SYT14: variants seen among roughly 807,000 people sequenced by gnomAD.
SYT14 encodes the protein synaptotagmin-14.
In SYT14, 32 loss-of-function variants were observed where a neutral mutation model predicts 74.2. That is an observed-to-expected ratio of 0.43 (90% CI 0.33 to 0.58). The LOEUF (loss-of-function observed/expected upper bound fraction) is 0.58. SYT14 is among the 20% of genes least tolerant of loss of function. SYT14 has a pLI of 0.05. For synonymous variants in SYT14, 298 were observed against 337.7 expected, an observed-to-expected ratio of 0.88 and a Z score of 1.29; for missense variants, 791 against 981.8, an observed-to-expected ratio of 0.81 and a Z score of 2.60.
chr1:209,996,001 C>T (rs966873061), intron 2 of SYT14, among the ~76,000 whole-genome samples: 1 of 152,054 alleles, frequency 6.6e-6, no homozygotes, highest in Admixed American at 6.6e-5. Context: ...CAGTTTATAG[C>T]CCTAAATGCC....
At chr1:209,947,868 T>G (rs2078847363) in intron 1 of SYT14, among the ~76,000 whole-genome samples, 1 of 152,202 alleles carries the variant, frequency 6.6e-6, no homozygotes, top group Admixed American at 6.5e-5. Context: ...CACCCCAACC[T>G]TCATCATCCA....
chr1:209,945,515 C>A (rs1188344526), intron 1 of SYT14, among the ~76,000 whole-genome samples: 1 of 152,130 alleles, frequency 6.6e-6, no homozygotes, highest in Non-Finnish European at 1.5e-5. Flanking sequence ...GTGTAGGTGT[C>A]TGCATAAGGA....
chr1:209,983,232 A>G (rs2079518720), intron 2 of SYT14, among the ~76,000 whole-genome samples: 1 of 151,300 alleles, frequency 6.6e-6, no homozygotes, highest in African/African-American at 2.4e-5. Flanking sequence ...ATTTTTTTTC[A>G]TGGATTGTGC....
chr1:209,980,108 A>G (rs985934864), intron 2 of SYT14, among the ~76,000 whole-genome samples: 2 of 152,116 alleles, frequency 1.3e-5, no homozygotes, highest in African/African-American at 4.8e-5. Flanking sequence ...CTCTAGAACC[A>G]TGCCAGCATC....
chr1:209,972,070 G>A (rs1223093472), intron 2 of SYT14, among the ~76,000 whole-genome samples: 3 of 152,082 alleles, frequency 2.0e-5, no homozygotes, highest in Non-Finnish European at 4.4e-5. Context: ...GGAACTTGAT[G>A]TTGGTCTGTT....
At chr1:209,993,590 C>T (rs1481600333) in intron 2 of SYT14, among the ~76,000 whole-genome samples, 3 of 152,164 alleles carry the variant, frequency 2.0e-5, no homozygotes, top group Admixed American at 2.0e-4. Context: ...ATGCATTTCT[C>T]CTTAAACAGG....
chr1:210,112,508 G>A (rs757205329), intron 7 of SYT14, among the ~76,000 whole-genome samples: 4 of 151,344 alleles, frequency 2.6e-5, no homozygotes, highest in East Asian at 1.9e-4. Flanking sequence ...GCCTTGTGTC[G>A]GAAGAGATTG....
intron 3 of SYT14, among the ~76,000 whole-genome samples, chr1:210,015,524 C>T (rs938538492): frequency 1.1e-4 from 17 of 152,190 alleles, no homozygotes; most frequent in African/African-American, 4.1e-4. Flanking sequence ...CTATTCTTAC[C>T]ACTATGCAAA....
intron 5 of SYT14, among the ~76,000 whole-genome samples, chr1:210,038,689 A>G (rs1360470835): frequency 6.6e-6 from 1 of 152,116 alleles, no homozygotes; most frequent in African/African-American, 2.4e-5. Flanking sequence ...TTATACTAGT[A>G]AAATAACAAA....
chr1:210,159,457 G>A, exon 9 of SYT14: 1 of 1,551,416 alleles, frequency 6.4e-7, no homozygotes, highest in South Asian at 1.2e-5. Flanking sequence ...TTGATAGGTG[G>A]ACAGGTTTAT....
At chr1:209,968,620 T>A (rs1212210173) in intron 2 of SYT14, among the ~76,000 whole-genome samples, 1 of 152,116 alleles carries the variant, frequency 6.6e-6, no homozygotes, top group Non-Finnish European at 1.5e-5. Context: ...CAGAATGTCA[T>A]ATAGTTGGAA....
chr1:210,117,892 A>C (rs989279759), intron 7 of SYT14, among the ~76,000 whole-genome samples: 2 of 152,184 alleles, frequency 1.3e-5, no homozygotes, highest in Non-Finnish European at 2.9e-5. Context: ...TAATATAGAG[A>C]ATAAAGAACA....
At chr1:210,032,673 A>G (rs1409541704) in intron 5 of SYT14, among the ~76,000 whole-genome samples, 1 of 150,678 alleles carries the variant, frequency 6.6e-6, no homozygotes, top group Non-Finnish European at 1.5e-5. Context: ...AAAACCCATC[A>G]TTGAGAAGTA....
intron 5 of SYT14, among the ~76,000 whole-genome samples, chr1:210,038,958 A>G (rs776750244): frequency 1.1e-4 from 17 of 152,098 alleles, no homozygotes; most frequent in East Asian, 1.9e-4. Context: ...AATCTCTAGC[A>G]AGACTAGTGA....
At chr1:210,147,266 A>G (rs986928913) in intron 7 of SYT14, among the ~76,000 whole-genome samples, 6 of 152,176 alleles carry the variant, frequency 3.9e-5, no homozygotes, top group East Asian at 1.9e-4. Context: ...AATACAGTCA[A>G]TGAAAAATAT....
intron 2 of SYT14, among the ~76,000 whole-genome samples, chr1:210,003,771 T>C (rs768245765): frequency 1.3e-5 from 2 of 152,148 alleles, no homozygotes; most frequent in Non-Finnish European, 2.9e-5. Context: ...TTATATTCTT[T>C]AGCAGGATTA....
chr1:210,019,997 C>T (rs2080269249), intron 4 of SYT14, among the ~76,000 whole-genome samples: 1 of 152,064 alleles, frequency 6.6e-6, no homozygotes. Flanking sequence ...GAAATTCTGC[C>T]TTTCACAAGC....
chr1:210,073,329 G>C (rs2081429984), intron 5 of SYT14, among the ~76,000 whole-genome samples: 1 of 151,856 alleles, frequency 6.6e-6, no homozygotes, highest in African/African-American at 2.4e-5. Context: ...AATTACAAAG[G>C]TCTATAATTG....
At chr1:209,985,238 A>G (rs1156812877) in intron 2 of SYT14, among the ~76,000 whole-genome samples, 1 of 152,270 alleles carries the variant, frequency 6.6e-6, no homozygotes, top group Non-Finnish European at 1.5e-5. Context: ...CTCCCAAGAT[A>G]CAGTGTGGAT....
Sources: gnomAD v4.1 joint callset for allele counts (sites outside exome capture counted in the v4.1 genomes callset) on GRCh38, gnomAD v4.1.1 for gene constraint, MANE v1.5 for transcripts, NCBI Gene and HGNC (gene_info 2026-07-23, HGNC 2026-07-21) for gene names.